REV1: variants seen among roughly 807,000 people sequenced by gnomAD.
REV1 encodes the protein translesion synthesis protein REV1.
REV1 carries 42 observed loss-of-function variants against 137.4 expected under a neutral mutation model. The ratio of observed to expected loss-of-function variants is 0.31; its 90% CI spans 0.24 to 0.40. The LOEUF is 0.40. REV1 is among the 10% of genes least tolerant of loss of function. The probability of loss-of-function intolerance (pLI) is 1.00; values close to 1 mark genes in which losing one functional copy is unlikely to be tolerated. For missense variants in REV1, 1,282 were observed against 1,490.1 expected (o/e 0.86, Z 2.30); for synonymous variants, 524 against 519.2 (o/e 1.01, Z -0.12).
intron 4 of REV1, among the ~76,000 whole-genome samples, chr2:99,443,808 C>A (rs1331767934): frequency 6.6e-6 from 1 of 151,844 alleles, no homozygotes; most frequent in Non-Finnish European, 1.5e-5. Flanking sequence ...TAAAATTCGA[C>A]TATTTTTTAC....
chr2:99,417,434 A>G (rs940828654), intron 12 of REV1, among the ~76,000 whole-genome samples: 1 of 152,182 alleles, frequency 6.6e-6, no homozygotes, highest in African/African-American at 2.4e-5. Flanking sequence ...GTGAGTCACC[A>G]TGCCCGGCCA....
At chr2:99,487,008 C>T (rs1415214362) in intron 1 of REV1, among the ~76,000 whole-genome samples, 1 of 152,022 alleles carries the variant, frequency 6.6e-6, no homozygotes, top group Non-Finnish European at 1.5e-5. Flanking sequence ...GGGGCTGGTT[C>T]CTATTTTAGA....
chr2:99,459,199 C>G (rs1171480292), intron 3 of REV1, among the ~76,000 whole-genome samples: 1 of 118,514 alleles, frequency 8.4e-6, no homozygotes. Context: ...CAGAGTGAGA[C>G]TCTGTCTCAA....
intron 12 of REV1, 135 bp downstream of exon 12, chr2:99,418,693 T>G (rs1440608011): frequency 3.0e-6 from 2 of 671,964 alleles, no homozygotes; most frequent in African/African-American, 3.6e-5. Context: ...ATTTTGTTTT[T>G]CATGGCACTC....
At chr2:99,403,627 TA>T (rs1675833231) in intron 19 of REV1, 67 bp downstream of exon 19, 1 of 1,608,068 alleles carries the variant, frequency 6.2e-7, no homozygotes, top group Admixed American at 1.7e-5. Flanking sequence ...TATACTGCAA[TA>T]ATTAGACAAC....
chr2:99,481,546 C>A (rs572230488), intron 1 of REV1, among the ~76,000 whole-genome samples: 14 of 152,302 alleles, frequency 9.2e-5, no homozygotes, highest in African/African-American at 3.4e-4. Context: ...TCTGTTCTCA[C>A]TTCTTTAGCC....
At chr2:99,454,324 T>C (rs1036758245) in intron 3 of REV1, among the ~76,000 whole-genome samples, 4 of 151,652 alleles carry the variant, frequency 2.6e-5, no homozygotes, top group Admixed American at 6.6e-5. Flanking sequence ...CCACAGCGGG[T>C]GGATCCTCTG....
intron 12 of REV1, 84 bp from the exon 13 acceptor site, chr2:99,413,035 A>G: frequency 1.1e-6 from 1 of 930,482 alleles, no homozygotes; most frequent in Non-Finnish European, 1.7e-6. Flanking sequence ...ATTTATGCAC[A>G]AAACAACTAG....
chr2:99,412,833 C>G lies in REV1; in HGVS notation c.2070G>C (p.Met690Ile). 6.2e-7 allele frequency: 1 copy of G among 1,614,118 alleles called. No homozygotes were observed. Among genetic ancestry groups the G allele is most frequent in the African/African-American group, 1.3e-5 (1 of 75,064 alleles). ...CCAAGCCACGGCAGAACCTATAAAG[C>G]ATCTGACCTGTTTTGGGACCAAATT... ...QKEFGPKTGQMLYRFCRGLDD... is the reference protein window; with the variant it reads ...QKEFGPKTGQILYRFCRGLDD... The change falls in exon 13 of 23, where the codon ATG (methionine) becomes ATC (isoleucine). Residue 690 changes from methionine (M) to isoleucine (I), a missense_variant. Met to Ile is a conservative substitution (Grantham distance 10). This residue lies in a region of REV1 where 372 missense variants were observed against 482.3 expected (regional missense o/e 0.77). Transcript: ENST00000258428.
chr2:99,437,145 A>G (rs748172108), intron 6 of REV1, among the ~76,000 whole-genome samples: 3 of 151,282 alleles, frequency 2.0e-5, no homozygotes, highest in Non-Finnish European at 4.4e-5. Context: ...ACGCCCAGCT[A>G]ATTTTTTTTT....
intron 1 of REV1, among the ~76,000 whole-genome samples, chr2:99,485,736 C>T (rs1325024771): frequency 6.6e-6 from 1 of 152,200 alleles, no homozygotes; most frequent in Non-Finnish European, 1.5e-5. Context: ...TTTTAATTTG[C>T]TCTAGACATC....
At chr2:99,401,391 G>A (rs1454049003) in intron 22 of REV1, 39 bp from the exon 23 acceptor site, 1 of 1,369,714 alleles carries the variant, frequency 7.3e-7, no homozygotes, top group Non-Finnish European at 1.0e-6. Flanking sequence ...TAGGAATTAG[G>A]AAAGGTCCTT....
At position 99,462,530 on chromosome 2, in the gene REV1, A is replaced by C; in HGVS notation, c.147T>G (p.Phe49Leu). The C allele has an allele frequency of 6.2e-7, 1 of 1,613,542 alleles. No individual in the cohort carries two copies. Among genetic ancestry groups the C allele is most frequent in the Non-Finnish European group, 8.5e-7 (1 of 1,179,768 alleles). The stretch of plus-strand genomic sequence containing the variant: ...CATTAACATAGATGGCAACTCCACT[A>C]AAAATTGTAGATGAAGTCCCATCCT... ...MQKDGTSSTI[F>L]SGVAIYVNGY... The change falls in exon 3 of 23, where the codon TTT (phenylalanine) becomes TTG (leucine). Residue 49 changes from phenylalanine to leucine, a missense_variant. Phe to Leu is a conservative substitution (Grantham distance 22). Transcript: ENST00000258428.
chr2:99,482,898 T>G (rs1314701918), intron 1 of REV1, among the ~76,000 whole-genome samples: 3 of 151,644 alleles, frequency 2.0e-5, no homozygotes, highest in African/African-American at 7.3e-5. Context: ...GTGCCTGTAA[T>G]CTCAACCACT....
At chr2:99,471,136 GAA>G (rs397838350) in intron 1 of REV1, among the ~76,000 whole-genome samples, 1 of 123,276 alleles carries the variant, frequency 8.1e-6, no homozygotes, top group South Asian at 2.3e-4. Context: ...AGGCAAGGTT[GAA>G]ACACAATTTG....
At chr2:99,433,609 A>C (rs1680388594) in intron 8 of REV1, among the ~76,000 whole-genome samples, 1 of 152,190 alleles carries the variant, frequency 6.6e-6, no homozygotes, top group Non-Finnish European at 1.5e-5. Flanking sequence ...TTTCCATTTC[A>C]CTGTATATCT....
chr2:99,410,884 G>A lies in REV1; in HGVS notation c.2173-17C>T, dbSNP rs186366497. 1,999 of 1,569,670 alleles carry A rather than the reference G, an allele frequency of 1.3e-3. 3 individuals are homozygous for A. Among genetic ancestry groups the A allele is most frequent in the Admixed American group, 4.7e-3 (217 of 46,650 alleles). On this transcript the variant is annotated splice_polypyrimidine_tract_variant and intron_variant, in intron 13 of 22. Coordinates refer to ENST00000258428, the MANE Select transcript of REV1 (RefSeq NM_016316.4). ...CTCTTTTGGCTATGGAAAGACAAACGTGGAGAAACTACCATTCCACTTTCC... is the reference window on the plus strand; with the variant it reads ...CTCTTTTGGCTATGGAAAGACAAACATGGAGAAACTACCATTCCACTTTCC...
intron 22 of REV1, among the ~76,000 whole-genome samples, chr2:99,401,993 C>T (rs765666425): frequency 2.0e-5 from 3 of 152,164 alleles, no homozygotes; most frequent in South Asian, 2.1e-4. Flanking sequence ...CCCAGCCTCC[C>T]GAAGTGAAGT....
rs1313556867 is a variant in REV1, at chr2:99,418,858, T to G, written c.1921A>C (p.Ile641Leu). The change falls in exon 12 of 23, where the codon ATC becomes CTC. Residue 641 changes from isoleucine (I) to leucine (L), a missense_variant. Coordinates refer to ENST00000258428, the MANE Select transcript of REV1 (RefSeq NM_016316.4). ...HLKPEEVDDF[I>L]RGQLVTNLPG... ...AGATTGGTCACTAGCTGGCCTCTGA[T>G]AAAATCATCTACTTCTTCTGGTTTT... 6.2e-7 allele frequency: 1 copy of G among 1,613,118 alleles called. No individual in the cohort carries two copies. The highest frequency in any genetic ancestry group is 8.5e-7 in the Non-Finnish European group (1 of 1,179,176).
Sources: gnomAD v4.1 joint callset for allele counts (sites outside exome capture counted in the v4.1 genomes callset) on GRCh38, gnomAD v4.1.1 for gene constraint, gnomAD v4.1.1 regional missense constraint, MANE v1.5 for transcripts, NCBI Gene and HGNC (gene_info 2026-07-23, HGNC 2026-07-21) for gene names.